The following XKR9 variants were observed in gnomAD, a reference collection of about 807,000 sequenced individuals.
XKR9 encodes the protein XK-related protein 9.
In XKR9, 32 loss-of-function variants were observed where a neutral mutation model predicts 32.0. That is an observed-to-expected ratio of 1.00 (90% CI 0.76 to 1.34). The LOEUF is 1.34. Ranked by LOEUF, XKR9 falls within the 40% of genes most tolerant of loss-of-function variation. XKR9 has a pLI of 0.00. For missense variants in XKR9, 546 were observed against 429.7 expected, an observed-to-expected ratio of 1.27 and a Z score of -2.39; for synonymous variants, 168 against 143.4, an observed-to-expected ratio of 1.17 and a Z score of -1.22.
At chr8:70,935,297 T>A in the XKR9 span, among the ~76,000 whole-genome samples, 1 of 151,730 alleles carries the variant, frequency 6.6e-6, no homozygotes, top group Non-Finnish European at 1.5e-5. Context: ...GAGTTTTACT[T>A]ACTTAAAATG....
the XKR9 span, among the ~76,000 whole-genome samples, chr8:71,047,332 T>A: frequency 3.9e-5 from 6 of 152,216 alleles, no homozygotes; most frequent in African/African-American, 1.4e-4. Flanking sequence ...ACTTATTCCT[T>A]ATTTGCACTC....
the XKR9 span, among the ~76,000 whole-genome samples, chr8:70,808,383 G>GA: frequency 6.6e-6 from 1 of 152,080 alleles, no homozygotes; most frequent in African/African-American, 2.4e-5. Context: ...TGCAGAAGAT[G>GA]TATGATTTCT....
At chr8:70,732,018 C>G (rs544150759) in intron 4 of XKR9, among the ~76,000 whole-genome samples, 9 of 152,340 alleles carry the variant, frequency 5.9e-5, no homozygotes, top group African/African-American at 2.2e-4. Flanking sequence ...TGAACCAAGA[C>G]TTCCTACTAG....
intron 3 of XKR9, 96 bp downstream of exon 3, chr8:70,681,426 C>T: frequency 2.8e-6 from 4 of 1,407,216 alleles, no homozygotes; most frequent in Non-Finnish European, 9.6e-7. Flanking sequence ...GTACAAAGAT[C>T]CCTTATTTGC....
the XKR9 span, among the ~76,000 whole-genome samples, chr8:70,968,506 G>A: frequency 6.6e-6 from 1 of 152,188 alleles, no homozygotes; most frequent in South Asian, 2.1e-4. Context: ...GTCATTTGGA[G>A]AAGTAGCACT....
rs544679609 is a variant in XKR9, at chr8:70,694,021, T to C, written c.272+12691T>C. On this transcript the variant is annotated intron_variant, in intron 3 of 4. Transcript: ENST00000408926. ...GGAGGACCTGCCCAGTGAGGAGATA[T>C]GGGAATGGGTACCCATGTAACAGTC... Among the ~76,000 whole-genome samples the C allele has an allele frequency of 4.6e-5, 7 of 151,994 alleles. No homozygotes were observed. The South Asian group carries it at 1.2e-3, about 27-fold the overall frequency.
chr8:70,987,045 A>G, the XKR9 span, among the ~76,000 whole-genome samples: 9 of 152,220 alleles, frequency 5.9e-5, no homozygotes, highest in African/African-American at 2.2e-4. Context: ...TACCATGAGA[A>G]CAGTATGGGG....
chr8:70,748,100 A>G (rs1419163789), intron 2 of XKR9, among the ~76,000 whole-genome samples: 3 of 152,254 alleles, frequency 2.0e-5, no homozygotes, highest in Non-Finnish European at 4.4e-5. Context: ...AATCATATAA[A>G]AAAATTTAGA....
the XKR9 span, among the ~76,000 whole-genome samples, chr8:70,796,177 T>C: frequency 2.0e-5 from 3 of 152,072 alleles, no homozygotes; most frequent in Non-Finnish European, 2.9e-5. Context: ...ATAAGCATAG[T>C]ACAAGAAGTA....
chr8:70,798,092 A>G, the XKR9 span, among the ~76,000 whole-genome samples: 1 of 152,144 alleles, frequency 6.6e-6, no homozygotes, highest in Non-Finnish European at 1.5e-5. Context: ...CTGGGTTTGA[A>G]TGGTAGTTCT....
At chr8:71,039,973 A>G in the XKR9 span, among the ~76,000 whole-genome samples, 2 of 152,206 alleles carry the variant, frequency 1.3e-5, no homozygotes, top group Non-Finnish European at 2.9e-5. Context: ...AAAAAGCCCT[A>G]TATCTTTTAA....
In XKR9 at chr8:70,703,318, T is replaced by TAA. The variant is rs1805604511; in HGVS notation, c.273-3614_273-3613dup. 2.6e-5 allele frequency among the ~76,000 whole-genome samples: 4 copies of TAA among 151,830 alleles called. No individual in the cohort carries two copies. In the South Asian group the frequency reaches 8.3e-4, roughly 31 times the overall value. ...CCTTAGTCTTAGTCTAGTGAGGTCTTAAGTCTTTTGAGTGTTAGTCTAGTG... is the reference window on the plus strand; with the variant it reads ...CCTTAGTCTTAGTCTAGTGAGGTCTTAAAAGTCTTTTGAGTGTTAGTCTAGTG... On this transcript the variant is annotated intron_variant, in intron 3 of 4. Transcript: ENST00000408926.
At chr8:71,042,382 G>A in the XKR9 span, among the ~76,000 whole-genome samples, 1,993 of 152,142 alleles carry the variant, frequency 0.013, 45 homozygotes, top group African/African-American at 0.045. Context: ...ATAGACTCTG[G>A]AGCTTGGGTT....
At chr8:70,807,452 A>T in the XKR9 span, among the ~76,000 whole-genome samples, 2 of 152,216 alleles carry the variant, frequency 1.3e-5, no homozygotes, top group South Asian at 2.1e-4. Context: ...CGGCCCAATT[A>T]AAAGACACAG....
intron 4 of XKR9, among the ~76,000 whole-genome samples, chr8:70,714,526 G>T (rs188109111): frequency 1.3e-5 from 2 of 151,680 alleles, no homozygotes; most frequent in Non-Finnish European, 2.9e-5. Context: ...TTTCTCTAGC[G>T]TGGTCGATTG....
At chr8:70,938,972 CT>C in the XKR9 span, among the ~76,000 whole-genome samples, 52,197 of 143,068 alleles carry the variant, frequency 0.36, 10,796 homozygotes, top group African/African-American at 0.57. Flanking sequence ...TAGAGGTGGG[CT>C]TTTTTTTTTT....
chr8:70,772,364 C>A (rs1443537670), intron 2 of XKR9, among the ~76,000 whole-genome samples: 2 of 152,110 alleles, frequency 1.3e-5, no homozygotes, highest in African/African-American at 2.4e-5. Context: ...ATGTTTGGGA[C>A]AATATTCCAT....
chr8:70,776,334 A>G (rs1807519893), intron 2 of XKR9, among the ~76,000 whole-genome samples: 1 of 152,148 alleles, frequency 6.6e-6, no homozygotes, highest in Admixed American at 6.6e-5. Flanking sequence ...CTAAGCAATC[A>G]ACATTTTTTC....
At chr8:70,790,385 A>G (rs1807749715), downstream of XKR9, 2 of 152,132 alleles carry the variant, frequency 1.3e-5, no homozygotes, top group African/African-American at 4.8e-5. Flanking sequence ...AATTGTCTAA[A>G]AAACAAGTTA....
Sources: gnomAD v4.1 joint callset for allele counts (sites outside exome capture counted in the v4.1 genomes callset) on GRCh38, gnomAD v4.1.1 for gene constraint, MANE v1.5 for transcripts, NCBI Gene and HGNC (gene_info 2026-07-23, HGNC 2026-07-21) for gene names.